Variants in FHOD3 observed in about 807,000 individuals in gnomAD.
The protein encoded by FHOD3 is FH1/FH2 domain-containing protein 3.
In FHOD3, 90 loss-of-function variants were observed where a neutral mutation model predicts 173.0. The ratio of observed to expected loss-of-function variants is 0.52; its 90% CI spans 0.44 to 0.62. The LOEUF is 0.62. FHOD3 is among the 20% of genes least tolerant of loss of function. The pLI is 0.00. For missense variants in FHOD3, 1,945 were observed against 2,034.7 expected, an observed-to-expected ratio of 0.96 and a Z score of 0.85; for synonymous variants, 828 against 823.0, an observed-to-expected ratio of 1.01 and a Z score of -0.10.
rs1428519013 is a variant in FHOD3, at chr18:36,649,325, G to A, written c.1206G>A (p.Glu402=). Residue 402 remains glutamate (E), a synonymous_variant, in exon 11 of 29, where the codon GAG becomes GAA. Coordinates refer to ENST00000590592, the MANE Select transcript of FHOD3 (RefSeq NM_001281740.3). The part of the protein sequence containing the change: ...QVRDLREKEE[E]EEEEQPITEP... The stretch of plus-strand genomic sequence containing the variant: ...CCTGGCTTTGTCTCAGGGAGGAGGA[G>A]GAGGAAGAGGAGCAGCCAATCACGG... The A allele has an allele frequency of 2.0e-6, 3 of 1,535,768 alleles. No homozygotes were observed. The highest frequency in any genetic ancestry group is 4.9e-5 in the East Asian group (2 of 40,910).
chr18:36,679,412 T>G (rs1404543566), intron 14 of FHOD3, among the ~76,000 whole-genome samples: 1 of 152,138 alleles, frequency 6.6e-6, no homozygotes, highest in Non-Finnish European at 1.5e-5. Context: ...TAGTCTTTGC[T>G]CTTTATTTTT....
At chr18:36,408,493 G>A (rs907379356) in intron 3 of FHOD3, among the ~76,000 whole-genome samples, 3 of 152,152 alleles carry the variant, frequency 2.0e-5, no homozygotes, top group African/African-American at 7.2e-5. Flanking sequence ...GGCATGGGGG[G>A]GTACAGGGGA....
At chr18:36,454,003 T>C (rs1490035325) in intron 3 of FHOD3, among the ~76,000 whole-genome samples, 1 of 152,216 alleles carries the variant, frequency 6.6e-6, no homozygotes, top group African/African-American at 2.4e-5. Flanking sequence ...AAAAAAATTA[T>C]TGTGGTTGAA....
intron 17 of FHOD3, among the ~76,000 whole-genome samples, chr18:36,703,274 A>T (rs2039687636): frequency 6.6e-6 from 1 of 152,300 alleles, no homozygotes; most frequent in South Asian, 2.1e-4. Flanking sequence ...TTAATATCCC[A>T]GTTTCCTTCT....
At chr18:36,394,568 A>T (rs953882829) in intron 3 of FHOD3, among the ~76,000 whole-genome samples, 1 of 152,180 alleles carries the variant, frequency 6.6e-6, no homozygotes, top group Admixed American at 6.6e-5. Context: ...AATCAGTTGC[A>T]CTTAATGTAC....
intron 14 of FHOD3, among the ~76,000 whole-genome samples, chr18:36,660,164 G>A (rs1200330111): frequency 1.3e-5 from 2 of 152,164 alleles, no homozygotes; most frequent in Non-Finnish European, 2.9e-5. Context: ...AGCTACTCAG[G>A]AGGCTGAGGC....
At chr18:36,476,023 A>G (rs895793556) in intron 3 of FHOD3, among the ~76,000 whole-genome samples, 5 of 152,206 alleles carry the variant, frequency 3.3e-5, no homozygotes, top group Non-Finnish European at 7.3e-5. Flanking sequence ...GTATTTTTAA[A>G]AGCATTTCAC....
intron 17 of FHOD3, among the ~76,000 whole-genome samples, chr18:36,698,963 C>G (rs1016324927): frequency 1.3e-5 from 2 of 152,120 alleles, no homozygotes; most frequent in African/African-American, 2.4e-5. Flanking sequence ...AACATGCCTT[C>G]CGTTTGTCCC....
At chr18:36,430,431 G>A (rs983935198) in intron 3 of FHOD3, among the ~76,000 whole-genome samples, 30 of 152,256 alleles carry the variant, frequency 2.0e-4, no homozygotes, top group Admixed American at 3.9e-4. Flanking sequence ...GGTCAGGCTC[G>A]TCTGGAACTC....
intron 2 of FHOD3, among the ~76,000 whole-genome samples, chr18:36,358,370 TG>T: frequency 6.6e-6 from 1 of 152,364 alleles, no homozygotes; most frequent in South Asian, 2.1e-4. Context: ...GGGCGACACC[TG>T]TCTCCAGATG....
intron 5 of FHOD3, among the ~76,000 whole-genome samples, chr18:36,551,184 T>C (rs964035651): frequency 6.6e-6 from 1 of 152,234 alleles, no homozygotes; most frequent in African/African-American, 2.4e-5. Context: ...TTTGTTGATA[T>C]AGTGAACCAC....
chr18:36,695,656 A>G (rs1433516370), intron 17 of FHOD3, among the ~76,000 whole-genome samples: 1 of 152,178 alleles, frequency 6.6e-6, no homozygotes, highest in Non-Finnish European at 1.5e-5. Flanking sequence ...CTGATATGTA[A>G]TTGATTTATA....
intron 5 of FHOD3, among the ~76,000 whole-genome samples, chr18:36,532,716 C>T (rs775714044): frequency 3.9e-5 from 6 of 152,224 alleles, no homozygotes; most frequent in East Asian, 1.9e-4. Flanking sequence ...GGAGACCCAC[C>T]GGGTCCCACC....
chr18:36,620,255 G>A (rs1364693371), intron 9 of FHOD3, among the ~76,000 whole-genome samples: 1 of 152,208 alleles, frequency 6.6e-6, no homozygotes, highest in East Asian at 1.9e-4. Flanking sequence ...TCCTGTTTTT[G>A]AACATGAAAG....
intron 1 of FHOD3, among the ~76,000 whole-genome samples, chr18:36,312,778 G>C (rs896916471): frequency 1.3e-5 from 2 of 152,178 alleles, no homozygotes; most frequent in Non-Finnish European, 2.9e-5. Flanking sequence ...AGAAAATGTG[G>C]GTGCCTATAT....
At chr18:36,559,163 G>A (rs1212972454) in intron 5 of FHOD3, among the ~76,000 whole-genome samples, 1 of 152,080 alleles carries the variant, frequency 6.6e-6, no homozygotes, top group Non-Finnish European at 1.5e-5. Context: ...GGATTCTTTG[G>A]GGGCTTATTC....
chr18:36,501,972 C>T lies in FHOD3; in HGVS notation c.378C>T (p.Ala126=), dbSNP rs749399381. The part of the protein sequence containing the change: ...YNSSGRDLRR[A]LFSLKQIFQD... ...CCAGCGGACGAGATTTGAGAAGGGC[C>T]CTCTTCTCCCTGAAGCAGATATTTC... Residue 126 remains alanine, a synonymous_variant, in exon 4 of 29, where the codon GCC becomes GCT. Coordinates refer to ENST00000590592, the MANE Select transcript of FHOD3 (RefSeq NM_001281740.3). The T allele has an allele frequency of 2.5e-6, 4 of 1,605,868 alleles. No homozygotes were observed. The highest frequency in any genetic ancestry group is 3.4e-6 in the Non-Finnish European group (4 of 1,175,466).
rs150397436 is a variant in FHOD3, at chr18:36,570,658, A to G, written c.512-5793A>G. 5.3e-4 allele frequency among the ~76,000 whole-genome samples: 80 copies of G among 152,240 alleles called. No homozygotes were observed. The East Asian group carries it at 6.0e-3, about 11-fold the overall frequency. ...CAAATATTAGTAAATCAAATCCAGC[A>G]ATATATGAAAAGAGTAATATGCCAT... On this transcript the variant is annotated intron_variant, in intron 5 of 28. Transcript: ENST00000590592.
chr18:36,369,162 G>T (rs2047040724), intron 2 of FHOD3, among the ~76,000 whole-genome samples: 1 of 152,124 alleles, frequency 6.6e-6, no homozygotes, highest in African/African-American at 2.4e-5. Context: ...GAAAGTTTTA[G>T]CCATGAAGGA....
Sources: gnomAD v4.1 joint callset for allele counts (sites outside exome capture counted in the v4.1 genomes callset) on GRCh38, gnomAD v4.1.1 for gene constraint, MANE v1.5 for transcripts, NCBI Gene and HGNC (gene_info 2026-07-23, HGNC 2026-07-21) for gene names.